Variants in MAGI2 observed in about 807,000 individuals in gnomAD.
MAGI2 encodes the protein membrane associated guanylate kinase, WW and PDZ domain containing 2, also known as membrane-associated guanylate kinase, WW and PDZ domain-containing protein 2.
In MAGI2, 35 loss-of-function variants were observed where a neutral mutation model predicts 133.3. The observed-to-expected ratio is 0.26, with a 90% CI of 0.20 to 0.35. The LOEUF (loss-of-function observed/expected upper bound fraction) is 0.35. MAGI2 is among the 10% of genes least tolerant of loss of function. The probability of loss-of-function intolerance (pLI) is 1.00; values close to 1 mark genes in which losing one functional copy is unlikely to be tolerated. For synonymous variants in MAGI2, 729 were observed against 710.6 expected, an observed-to-expected ratio of 1.03 and a Z score of -0.41; for missense variants, 1,636 against 1,863.4, an observed-to-expected ratio of 0.88 and a Z score of 2.25.
chr7:79,098,886 G>A (rs1289768408), intron 1 of MAGI2, among the ~76,000 whole-genome samples: 1 of 152,158 alleles, frequency 6.6e-6, no homozygotes, highest in Non-Finnish European at 1.5e-5. Flanking sequence ...ACAATGTTGT[G>A]AACAAACAAG....
At chr7:78,640,226 TCATTTGAGAC>T (rs1810138158) in intron 2 of MAGI2, among the ~76,000 whole-genome samples, 1 of 152,050 alleles carries the variant, frequency 6.6e-6, no homozygotes, top group Non-Finnish European at 1.5e-5. Flanking sequence ...TGTCAAATAA[TCATTTGAGAC>T]TCCTGCTGGA....
intron 1 of MAGI2, among the ~76,000 whole-genome samples, chr7:79,131,041 G>T (rs1442037287): frequency 5.9e-5 from 9 of 152,138 alleles, no homozygotes; most frequent in African/African-American, 1.9e-4. Context: ...ACAATGCAAG[G>T]TGTTAAGTGA....
chr7:78,363,268 C>T (rs1459442600), intron 7 of MAGI2, among the ~76,000 whole-genome samples: 1 of 152,062 alleles, frequency 6.6e-6, no homozygotes, highest in Non-Finnish European at 1.5e-5. Flanking sequence ...CCGAGGTGGG[C>T]GGATCACGAG....
intron 10 of MAGI2, among the ~76,000 whole-genome samples, chr7:78,233,832 T>C (rs775033647): frequency 1.3e-5 from 2 of 152,144 alleles, no homozygotes; most frequent in African/African-American, 2.4e-5. Flanking sequence ...ATGGGACCTA[T>C]AAATTTTCTT....
At chr7:79,378,060 C>G (rs1843500415) in intron 1 of MAGI2, among the ~76,000 whole-genome samples, 1 of 151,746 alleles carries the variant, frequency 6.6e-6, no homozygotes, top group Non-Finnish European at 1.5e-5. Context: ...GATGCTGTTC[C>G]TTCTAAGTTC....
chr7:78,376,997 T>C (rs530458403), intron 6 of MAGI2, among the ~76,000 whole-genome samples: 2 of 152,130 alleles, frequency 1.3e-5, no homozygotes, highest in Admixed American at 6.6e-5. Context: ...AAAATATGCA[T>C]CTCCAGCTTC....
rs148261600 is a variant in MAGI2, at chr7:79,266,480, C to T, written c.301+186540G>A. 2.7e-3 allele frequency among the ~76,000 whole-genome samples: 404 copies of T among 152,184 alleles called. 6 individuals are homozygous for T. The highest frequency in any genetic ancestry group is 2.1e-3 in the Non-Finnish European group (142 of 68,000). Reference sequence around the variant, plus strand: ...ACTGAGCAGTTAAATGAGAGCACTTCTCTGTTCTCCACAGCTAATTTCCCC... The same window carrying T: ...ACTGAGCAGTTAAATGAGAGCACTTTTCTGTTCTCCACAGCTAATTTCCCC... On this transcript the variant is annotated intron_variant, in intron 1 of 21. Coordinates refer to ENST00000354212, the MANE Select transcript of MAGI2 (RefSeq NM_012301.4).
chr7:78,415,930 T>C (rs1389210373), intron 6 of MAGI2, among the ~76,000 whole-genome samples: 1 of 152,152 alleles, frequency 6.6e-6, no homozygotes, highest in Non-Finnish European at 1.5e-5. Context: ...TGAGGCATTA[T>C]AGTTCCAAGA....
At chr7:79,329,563 G>C (rs1022193997) in intron 1 of MAGI2, among the ~76,000 whole-genome samples, 10 of 152,124 alleles carry the variant, frequency 6.6e-5, no homozygotes, top group Admixed American at 6.5e-4. Flanking sequence ...GTATTACTTT[G>C]ACTGCATAAT....
Position 79,128,996 on chromosome 7 carries a change from G to A in MAGI2, c.302-121790C>T, listed in dbSNP as rs191755769. Among the ~76,000 whole-genome samples, 22 of 152,122 alleles carry A rather than the reference G, an allele frequency of 1.4e-4. No homozygotes were observed. In the East Asian group the frequency reaches 1.6e-3, roughly 11 times the overall value. Reference sequence around the variant, plus strand: ...AGCGCTTCTTCCACCTCAGCCTCCCGAGTAGCTGGGATTACAGGCAGGCAC... The same window carrying A: ...AGCGCTTCTTCCACCTCAGCCTCCCAAGTAGCTGGGATTACAGGCAGGCAC... On this transcript the variant is annotated intron_variant, in intron 1 of 21. Transcript: ENST00000354212.
At chr7:78,630,865 G>A (rs1584904676) in intron 2 of MAGI2, among the ~76,000 whole-genome samples, 1 of 152,036 alleles carries the variant, frequency 6.6e-6, no homozygotes, top group African/African-American at 2.4e-5. Context: ...TCCTATTGAA[G>A]AAATCTTTCC....
intron 2 of MAGI2, among the ~76,000 whole-genome samples, chr7:78,783,128 G>T (rs774739461): frequency 5.3e-4 from 79 of 149,690 alleles, no homozygotes; most frequent in Non-Finnish European, 5.3e-4. Context: ...ACGTAGCAGA[G>T]TGCCCAAGAA....
chr7:78,504,055 A>G (rs1317502865), intron 4 of MAGI2, among the ~76,000 whole-genome samples: 1 of 152,162 alleles, frequency 6.6e-6, no homozygotes, highest in Non-Finnish European at 1.5e-5. Context: ...AAAATTTGTA[A>G]TATGTGTTAA....
intron 21 of MAGI2, among the ~76,000 whole-genome samples, chr7:78,040,538 G>T (rs3779338): frequency 0.24 from 35,939 of 152,114 alleles, 4,467 homozygotes; most frequent in Non-Finnish European, 0.27. Flanking sequence ...ACGGGTTCAG[G>T]TGGTGGTCCC....
At chr7:78,469,849 G>C (rs758409926) in intron 6 of MAGI2, among the ~76,000 whole-genome samples, 1 of 152,098 alleles carries the variant, frequency 6.6e-6, no homozygotes, top group Non-Finnish European at 1.5e-5. Flanking sequence ...CGCAGGATGG[G>C]ATAATAAAAC....
intron 7 of MAGI2, among the ~76,000 whole-genome samples, chr7:78,355,584 C>T (rs537179059): frequency 6.0e-4 from 91 of 152,296 alleles, no homozygotes; most frequent in Middle Eastern, 6.8e-3. Flanking sequence ...TTACATTAAG[C>T]GGCAGATGCA....
chr7:78,775,849 T>A (rs1439454615), intron 2 of MAGI2, among the ~76,000 whole-genome samples: 1 of 152,228 alleles, frequency 6.6e-6, no homozygotes, highest in Admixed American at 6.5e-5. Context: ...CAATTAACAC[T>A]GTATTGTATC....
intron 1 of MAGI2, among the ~76,000 whole-genome samples, chr7:79,266,456 C>G (rs887417778): frequency 6.6e-6 from 1 of 152,138 alleles, no homozygotes; most frequent in East Asian, 1.9e-4. Context: ...TATCTGATTA[C>G]TGAGCAGTTA....
intron 1 of MAGI2, among the ~76,000 whole-genome samples, chr7:79,107,615 T>C (rs1019308102): frequency 1.3e-5 from 2 of 152,214 alleles, no homozygotes; most frequent in African/African-American, 2.4e-5. Context: ...ACCTCATGAA[T>C]CATAATTGTT....
Sources: allele counts gnomAD v4.1 joint callset (sites outside exome capture counted in the v4.1 genomes callset), GRCh38; gene constraint gnomAD v4.1.1; transcripts MANE v1.5; gene names NCBI Gene and HGNC (gene_info 2026-07-23, HGNC 2026-07-21).